Variants in RGS6 observed in about 807,000 individuals in gnomAD.
RGS6 encodes the protein regulator of G-protein signaling 6.
In RGS6, 30 loss-of-function variants were observed where a neutral mutation model predicts 78.5. The observed-to-expected ratio is 0.38, with a 90% CI of 0.29 to 0.52. The LOEUF is 0.52. RGS6 is among the 20% of genes least tolerant of loss of function. The pLI, the probability that RGS6 is intolerant of heterozygous loss-of-function variation, is 0.85. For synonymous variants in RGS6, 206 were observed against 206.0 expected, an observed-to-expected ratio of 1.00 and a Z score of 0.00; for missense variants, 495 against 609.7, an observed-to-expected ratio of 0.81 and a Z score of 1.98.
At chr14:71,874,360 C>T in the RGS6 span, among the ~76,000 whole-genome samples, 3 of 151,982 alleles carry the variant, frequency 2.0e-5, no homozygotes, top group African/African-American at 7.3e-5. Flanking sequence ...TCCTTCACAT[C>T]CCTTGTAAGT....
chr14:72,319,401 G>A (rs1331203078), intron 2 of RGS6, among the ~76,000 whole-genome samples: 4 of 151,010 alleles, frequency 2.6e-5, no homozygotes, highest in African/African-American at 9.8e-5. Flanking sequence ...CCAGGCTGGA[G>A]TGCAGTGACG....
intron 2 of RGS6, among the ~76,000 whole-genome samples, chr14:72,252,240 G>T (rs150140227): frequency 6.2e-5 from 5 of 80,682 alleles, no homozygotes; most frequent in Non-Finnish European, 1.2e-4. Context: ...GTATGTGTGG[G>T]CTTTATTGAC....
At chr14:71,913,177 TAAAACCC>T in the RGS6 span, among the ~76,000 whole-genome samples, 1 of 152,202 alleles carries the variant, frequency 6.6e-6, no homozygotes, top group Non-Finnish European at 1.5e-5. Flanking sequence ...ATTTTAATGC[TAAAACCC>T]CACCCTGAAG....
chr14:72,358,429 G>A (rs2080815837), intron 3 of RGS6, among the ~76,000 whole-genome samples: 1 of 152,274 alleles, frequency 6.6e-6, no homozygotes, highest in Non-Finnish European at 1.5e-5. Context: ...GAAGGAGGCT[G>A]TACCCTGCAA....
rs752872925 is a variant in RGS6, at chr14:71,974,407, T to C, written c.84+9532T>C. Among the ~76,000 whole-genome samples, 6 of 152,320 alleles carry C rather than the reference T, an allele frequency of 3.9e-5. No individual in the cohort carries two copies. In the East Asian group the frequency reaches 5.8e-4, roughly 15 times the overall value. On this transcript the variant is annotated intron_variant, in intron 2 of 17. Coordinates refer to ENST00000553525, the MANE Select transcript of RGS6 (RefSeq NM_001204424.2). ...ATATGCAAAGACATATATATAGATA[T>C]AGACATACACCCACTCCAAAAGAAT...
downstream of RGS6, among the ~76,000 whole-genome samples, chr14:72,569,671 CAAGGAAGGAAGA>C (rs1378435049): frequency 1.7e-5 from 2 of 115,384 alleles, no homozygotes; most frequent in African/African-American, 3.3e-5. Context: ...TGAGACTTGT[CAAGGAAGGAAGA>C]AAGGAAGGAA....
At chr14:72,026,159 C>T (rs569972359) in intron 2 of RGS6, among the ~76,000 whole-genome samples, 7 of 152,194 alleles carry the variant, frequency 4.6e-5, no homozygotes, top group Non-Finnish European at 8.8e-5. Flanking sequence ...GTAATCCCAG[C>T]ACTTTGGGAG....
chr14:72,333,664 T>G lies in RGS6; in HGVS notation c.85-18431T>G, dbSNP rs1484271459. On this transcript the variant is annotated intron_variant, in intron 2 of 17. Coordinates refer to ENST00000553525, the MANE Select transcript of RGS6 (RefSeq NM_001204424.2). The stretch of plus-strand genomic sequence containing the variant: ...TTTTGGGCTTAAGCCCTGAAATGCT[T>G]TGTTCTGGGCCCCACTACAGCACCC... 4.6e-5 allele frequency among the ~76,000 whole-genome samples: 7 copies of G among 152,238 alleles called. 1 individual carries two copies. Among genetic ancestry groups the G allele is most frequent in the Admixed American group, 4.6e-4 (7 of 15,284 alleles).
chr14:72,310,079 C>A (rs539503340), intron 2 of RGS6, among the ~76,000 whole-genome samples: 1 of 152,328 alleles, frequency 6.6e-6, no homozygotes, highest in East Asian at 1.9e-4. Context: ...CAGCTCTTCT[C>A]GGCATGTTGG....
chr14:72,136,919 C>A (rs2096452823), intron 2 of RGS6, among the ~76,000 whole-genome samples: 1 of 152,110 alleles, frequency 6.6e-6, no homozygotes, highest in South Asian at 2.1e-4. Context: ...GAACCTACTC[C>A]CTGGAGATAT....
At chr14:72,475,830 G>GCATACACACACACACACACGCACACACA (rs2096229367) in intron 10 of RGS6, among the ~76,000 whole-genome samples, 1 of 145,606 alleles carries the variant, frequency 6.9e-6, no homozygotes, top group Non-Finnish European at 1.5e-5. Flanking sequence ...AAAAATACAC[G>GCATACACACACACACACACGCACACACA]CACACACACA....
chr14:72,141,746 G>C (rs994727955), intron 2 of RGS6, among the ~76,000 whole-genome samples: 31 of 152,016 alleles, frequency 2.0e-4, no homozygotes, highest in African/African-American at 7.2e-4. Context: ...AGTTCCTCCA[G>C]GATATGGCAT....
chr14:72,091,680 G>C (rs2095273105), intron 2 of RGS6, among the ~76,000 whole-genome samples: 1 of 152,160 alleles, frequency 6.6e-6, no homozygotes. Context: ...TAAGTAAGCA[G>C]AACGGAGAAG....
chr14:72,024,682 A>C (rs2089475335), intron 2 of RGS6, among the ~76,000 whole-genome samples: 1 of 152,216 alleles, frequency 6.6e-6, no homozygotes, highest in African/African-American at 2.4e-5. Flanking sequence ...ATAAATGAAC[A>C]AACTAGCTCA....
Position 72,121,270 on chromosome 14 carries a change from A to G in RGS6, c.84+156395A>G, listed in dbSNP as rs569828353. On this transcript the variant is annotated intron_variant, in intron 2 of 17. Transcript: ENST00000553525. ...AACCAGAACTGGCAAACACAGCTAC[A>G]CTTTTCTTGTACCATGCTTTACCTG... Among the ~76,000 whole-genome samples the G allele has an allele frequency of 2.6e-4, 39 of 152,308 alleles. No individual in the cohort carries two copies. In the South Asian group the frequency reaches 7.0e-3, roughly 28 times the overall value.
In RGS6 at chr14:72,098,416, G is replaced by A. The variant is rs116325361; in HGVS notation, c.84+133541G>A. On this transcript the variant is annotated intron_variant, in intron 2 of 17. Transcript: ENST00000553525. ...ACTATTGTTTATCTGCTGAACACTA[G>A]CACTCCCCGTGCCTTCATGCCATCA... Among the ~76,000 whole-genome samples, 1,321 of 152,332 alleles carry A rather than the reference G, an allele frequency of 8.7e-3. 17 individuals are homozygous for A. Among genetic ancestry groups the A allele is most frequent in the African/African-American group, 0.03 (1,266 of 41,566 alleles).
chr14:72,321,795 A>C (rs1172769839), intron 2 of RGS6, among the ~76,000 whole-genome samples: 2 of 152,022 alleles, frequency 1.3e-5, no homozygotes, highest in African/African-American at 4.8e-5. Flanking sequence ...AGATGGCCTA[A>C]ATAACATAAG....
At chr14:72,282,803 C>T (rs2061804950) in intron 2 of RGS6, among the ~76,000 whole-genome samples, 1 of 152,170 alleles carries the variant, frequency 6.6e-6, no homozygotes, top group South Asian at 2.1e-4. Flanking sequence ...TATCCACCTT[C>T]TTAACAAATT....
chr14:71,963,416 C>T (rs1052062717), intron 1 of RGS6, among the ~76,000 whole-genome samples: 2 of 152,184 alleles, frequency 1.3e-5, no homozygotes, highest in African/African-American at 4.8e-5. Flanking sequence ...GTGTATAATT[C>T]AGTGGCATTT....
Sources: gnomAD v4.1 joint callset for allele counts (sites outside exome capture counted in the v4.1 genomes callset) on GRCh38, gnomAD v4.1.1 for gene constraint, MANE v1.5 for transcripts, NCBI Gene and HGNC (gene_info 2026-07-23, HGNC 2026-07-21) for gene names.